The following TRIM9 variants were observed in gnomAD, a reference collection of about 807,000 sequenced individuals.
TRIM9 encodes tripartite motif containing 9.
In TRIM9, 26 loss-of-function variants were observed where a neutral mutation model predicts 78.3. The ratio of observed to expected loss-of-function variants is 0.33; its 90% CI spans 0.24 to 0.46. TRIM9 has a LOEUF of 0.46. TRIM9 is among the 20% of genes least tolerant of loss of function. TRIM9 has a pLI of 1.00. For missense variants in TRIM9, 787 were observed against 1,036.4 expected (o/e 0.76, Z 3.30); for synonymous variants, 398 against 416.5 (o/e 0.96, Z 0.54).
In TRIM9 at chr14:50,979,455, C is replaced by A. The variant is rs1030972137; in HGVS notation, c.2257G>T (p.Gly753Cys). The change falls in exon 12 of 13, where the codon GGT (glycine) becomes TGT (cysteine). Residue 753 changes from glycine to cysteine, a missense_variant. Physicochemically the swap from Gly to Cys is radical, Grantham distance 159. This residue lies in a region of TRIM9 where 421 missense variants were observed against 514.3 expected (regional missense o/e 0.82). Transcript: ENST00000684578. ...TCCACGTTATCAAATGCTATGGGACCTTGTTGTTCATCGTTGATAAAAAAT... is the reference window on the plus strand; with the variant it reads ...TCCACGTTATCAAATGCTATGGGACATTGTTGTTCATCGTTGATAAAAAAT... The part of the protein sequence containing the change: ...LTFFINDEQQ[G>C]PIAFDNVEGL... 6.2e-7 allele frequency: 1 copy of A among 1,614,184 alleles called. No individual in the cohort carries two copies.
chr14:51,028,403 T>C (rs882415), intron 1 of TRIM9, among the ~76,000 whole-genome samples: 1 of 151,566 alleles, frequency 6.6e-6, no homozygotes, highest in Non-Finnish European at 1.5e-5. Context: ...TTTTTATAGG[T>C]TGGTATTTTA....
intron 11 of TRIM9, among the ~76,000 whole-genome samples, chr14:50,981,257 C>T (rs1417489956): frequency 6.6e-6 from 1 of 152,176 alleles, no homozygotes; most frequent in Non-Finnish European, 1.5e-5. Flanking sequence ...TAAGAGAGTT[C>T]TCTATAAGTA....
intron 6 of TRIM9, among the ~76,000 whole-genome samples, chr14:50,999,816 G>A (rs1277795802): frequency 6.6e-6 from 1 of 152,188 alleles, no homozygotes; most frequent in Non-Finnish European, 1.5e-5. Context: ...AGGATGGAAA[G>A]TAGGGTGGCA....
chr14:51,006,758 GGA>G (rs1193696107), intron 5 of TRIM9, among the ~76,000 whole-genome samples: 1 of 152,166 alleles, frequency 6.6e-6, no homozygotes, highest in Non-Finnish European at 1.5e-5. Context: ...GGTTTCAGAT[GGA>G]TTTGTGCTGG....
intron 1 of TRIM9, chr14:51,091,025 C>G (rs915373206): frequency 1.3e-5 from 2 of 152,068 alleles, no homozygotes; most frequent in African/African-American, 2.4e-5. Flanking sequence ...TACAAAATCA[C>G]TTTTTTGGTG....
chr14:51,059,888 A>G (rs1332729527), intron 1 of TRIM9, among the ~76,000 whole-genome samples: 1 of 152,212 alleles, frequency 6.6e-6, no homozygotes, highest in African/African-American at 2.4e-5. Flanking sequence ...ATATCTGACC[A>G]TCAGTGAAAC....
intron 1 of TRIM9, chr14:51,090,170 A>T (rs1487625443): frequency 2.0e-5 from 3 of 152,252 alleles, no homozygotes; most frequent in Non-Finnish European, 4.4e-5. Context: ...CATGGCACAC[A>T]GAATGTTCTA....
intron 1 of TRIM9, among the ~76,000 whole-genome samples, chr14:51,039,974 G>A (rs899787647): frequency 2.6e-5 from 4 of 152,066 alleles, no homozygotes; most frequent in Admixed American, 6.5e-5. Flanking sequence ...TAGTAAACAC[G>A]GGGTTTCACC....
In TRIM9 at chr14:51,010,399, A is replaced by G; in HGVS notation, c.1137T>C (p.Pro379=). The G allele has an allele frequency of 1.2e-6, 2 of 1,613,656 alleles. No homozygotes were observed. ...YCLEVIKEND[P]SGFLQISDAL... ...TAACTCTTACCTGCAAAAAACCACT[A>G]GGATCATTTTCCTTAATCACCTCCA... The change falls in exon 4 of 13, where the codon CCT becomes CCC. Residue 379 remains proline, a synonymous_variant. Transcript: ENST00000684578.
Position 51,094,341 on chromosome 14 carries a change from G to A in TRIM9, c.599C>T (p.Pro200Leu). Residue 200 changes from proline (P) to leucine (L), a missense_variant, in exon 1 of 13, where the codon CCC (proline) becomes CTC (leucine). By Grantham distance (98) the Pro-to-Leu change is moderately conservative. Around this residue, in one of 3 missense-constraint regions of TRIM9, gnomAD observed 352 missense variants for 472.3 expected, o/e 0.75. Coordinates refer to ENST00000684578, the MANE Select transcript of TRIM9 (RefSeq NM_001387360.1). ...GCGGTGCTTGGCTAGGGGCCCCCGGGGCGGGTGGCAGCGCAGGCGGCACGG... is the reference window on the plus strand; with the variant it reads ...GCGGTGCTTGGCTAGGGGCCCCCGGAGCGGGTGGCAGCGCAGGCGGCACGG... ...CDPCRLRCHPPRGPLAKHRLV... is the reference protein window; with the variant it reads ...CDPCRLRCHPLRGPLAKHRLV... 17 of 1,613,612 alleles carry A rather than the reference G, an allele frequency of 1.1e-5. No individual in the cohort carries two copies. The highest frequency in any genetic ancestry group is 1.4e-5 in the Non-Finnish European group (17 of 1,179,846).
At chr14:51,078,204 G>T (rs577469854) in intron 1 of TRIM9, among the ~76,000 whole-genome samples, 1 of 152,254 alleles carries the variant, frequency 6.6e-6, no homozygotes, top group East Asian at 1.9e-4. Flanking sequence ...ACATGGTTGG[G>T]GAGATAAAAG....
intron 5 of TRIM9, among the ~76,000 whole-genome samples, chr14:51,001,946 C>G (rs2055106395): frequency 6.6e-6 from 1 of 152,150 alleles, no homozygotes; most frequent in African/African-American, 2.4e-5. Flanking sequence ...CATGCTGTTA[C>G]GAGTCAAAAC....
intron 5 of TRIM9, among the ~76,000 whole-genome samples, chr14:51,001,325 G>C (rs1294411825): frequency 6.6e-6 from 1 of 151,184 alleles, no homozygotes; most frequent in African/African-American, 2.4e-5. Flanking sequence ...CGCCTCCCGG[G>C]TTCACACCAT....
chr14:51,089,476 C>T (rs1191581828), intron 1 of TRIM9: 1 of 152,154 alleles, frequency 6.6e-6, no homozygotes. Context: ...TTGTCTCTTA[C>T]TTTATGCAAA....
intron 1 of TRIM9, among the ~76,000 whole-genome samples, chr14:51,092,482 G>C (rs1489994794): frequency 2.6e-5 from 4 of 152,232 alleles, no homozygotes; most frequent in African/African-American, 9.6e-5. Context: ...ACCCTTTCTA[G>C]TCTCCAAGGA....
chr14:51,038,419 G>C (rs1300350882), intron 1 of TRIM9, among the ~76,000 whole-genome samples: 1 of 152,180 alleles, frequency 6.6e-6, no homozygotes, highest in Non-Finnish European at 1.5e-5. Flanking sequence ...ACACACCTGA[G>C]AAGGCAGTTG....
intron 5 of TRIM9, among the ~76,000 whole-genome samples, chr14:51,003,653 A>G (rs1472937034): frequency 6.6e-6 from 1 of 152,216 alleles, no homozygotes; most frequent in East Asian, 1.9e-4. Context: ...GGATAAAAAA[A>G]AAAGGCTAGA....
intron 7 of TRIM9, among the ~76,000 whole-genome samples, chr14:50,994,609 G>T (rs2053960653): frequency 6.6e-6 from 1 of 152,154 alleles, no homozygotes; most frequent in African/African-American, 2.4e-5. Flanking sequence ...AACAGAAAAT[G>T]TCCTATCCTG....
At chr14:51,062,596 TG>T (rs1441787157) in intron 1 of TRIM9, among the ~76,000 whole-genome samples, 1 of 151,848 alleles carries the variant, frequency 6.6e-6, no homozygotes, top group African/African-American at 2.4e-5. Context: ...GTTATTTTGG[TG>T]GGGGAGGGAT....
Sources: gnomAD v4.1 joint callset for allele counts (sites outside exome capture counted in the v4.1 genomes callset) on GRCh38, gnomAD v4.1.1 for gene constraint, gnomAD v4.1.1 regional missense constraint, MANE v1.5 for transcripts, NCBI Gene and HGNC (gene_info 2026-07-23, HGNC 2026-07-21) for gene names.